Variants in PARD3B observed in about 807,000 individuals in gnomAD.
The protein encoded by PARD3B is partitioning defective 3 homolog B.
In PARD3B, 103 loss-of-function variants were observed where a neutral mutation model predicts 130.2. That is an observed-to-expected ratio of 0.79 (90% CI 0.67 to 0.93). The LOEUF (loss-of-function observed/expected upper bound fraction) is 0.93. Ranked by LOEUF, PARD3B falls within the 40% of genes least tolerant of loss-of-function variation. The pLI is 0.00. For synonymous variants in PARD3B, 583 were observed against 553.2 expected, an observed-to-expected ratio of 1.05 and a Z score of -0.76; for missense variants, 1,609 against 1,499.2, an observed-to-expected ratio of 1.07 and a Z score of -1.21.
At chr2:205,362,616 T>C (rs1434999978) in intron 18 of PARD3B, among the ~76,000 whole-genome samples, 1 of 152,214 alleles carries the variant, frequency 6.6e-6, no homozygotes, top group African/African-American at 2.4e-5. Flanking sequence ...GGGCCTATAA[T>C]CTTAATCACA....
chr2:205,152,709 T>A (rs2033845920), intron 10 of PARD3B, among the ~76,000 whole-genome samples: 2 of 152,176 alleles, frequency 1.3e-5, no homozygotes, highest in Admixed American at 1.3e-4. Context: ...ATATCCTCCT[T>A]TAGCTCGGAG....
At chr2:204,644,699 C>G (rs531227095) in intron 1 of PARD3B, among the ~76,000 whole-genome samples, 2 of 152,084 alleles carry the variant, frequency 1.3e-5, no homozygotes, top group South Asian at 2.1e-4. Context: ...GATAAATAGA[C>G]AGTTTTTTTC....
intron 15 of PARD3B, among the ~76,000 whole-genome samples, chr2:205,193,539 A>G (rs1287645180): frequency 6.6e-6 from 1 of 152,214 alleles, no homozygotes; most frequent in African/African-American, 2.4e-5. Flanking sequence ...ATTTTTACAA[A>G]GTGATCTATA....
At chr2:205,555,219 C>G (rs563854028) in intron 22 of PARD3B, among the ~76,000 whole-genome samples, 1 of 152,248 alleles carries the variant, frequency 6.6e-6, no homozygotes, top group South Asian at 2.1e-4. Flanking sequence ...GGGTACAATT[C>G]AGAGGCACAG....
chr2:205,388,320 T>C (rs932524890), intron 18 of PARD3B, among the ~76,000 whole-genome samples: 1 of 152,172 alleles, frequency 6.6e-6, no homozygotes, highest in Non-Finnish European at 1.5e-5. Context: ...AAAGGAAAAA[T>C]TAGCCATTGG....
At chr2:205,048,904 G>A (rs542392887) in intron 4 of PARD3B, among the ~76,000 whole-genome samples, 1 of 152,118 alleles carries the variant, frequency 6.6e-6, no homozygotes, top group Non-Finnish European at 1.5e-5. Flanking sequence ...TAAAAATCAG[G>A]TGTATGTGTT....
chr2:205,400,032 G>A (rs1036690399), intron 18 of PARD3B, among the ~76,000 whole-genome samples: 3 of 152,114 alleles, frequency 2.0e-5, no homozygotes, highest in Admixed American at 6.5e-5. Context: ...AGCATTGAAC[G>A]AGGTGTTCAA....
intron 2 of PARD3B, among the ~76,000 whole-genome samples, chr2:204,732,224 A>T (rs189176600): frequency 1.1e-4 from 16 of 152,266 alleles, no homozygotes; most frequent in Non-Finnish European, 2.1e-4. Context: ...AGATTGGATT[A>T]TGAAACTGGA....
chr2:205,191,241 T>C (rs1000618006), intron 14 of PARD3B, among the ~76,000 whole-genome samples: 3 of 152,270 alleles, frequency 2.0e-5, no homozygotes, highest in African/African-American at 7.2e-5. Context: ...ATAGCTCAGG[T>C]TGATCAAGCT....
intron 2 of PARD3B, among the ~76,000 whole-genome samples, chr2:204,936,205 C>A (rs1688440589): frequency 1.3e-5 from 2 of 152,242 alleles, no homozygotes; most frequent in South Asian, 4.1e-4. Context: ...GCTTTCTCAC[C>A]CAGTGCACGG....
intron 3 of PARD3B, among the ~76,000 whole-genome samples, chr2:204,971,483 C>G (rs141479938): frequency 1.6e-3 from 238 of 152,300 alleles, no homozygotes; most frequent in African/African-American, 5.5e-3. Context: ...GTTAAAATTG[C>G]GTAGATGAAT....
At chr2:205,433,532 C>CA (rs34275307) in intron 19 of PARD3B, among the ~76,000 whole-genome samples, 73 of 110,238 alleles carry the variant, frequency 6.6e-4, no homozygotes, top group African/African-American at 2.4e-3. Flanking sequence ...GACTCTGTGT[C>CA]AAAAAAAAAA....
chr2:205,034,230 G>C (rs1363489449), intron 3 of PARD3B, among the ~76,000 whole-genome samples: 2 of 152,128 alleles, frequency 1.3e-5, no homozygotes, highest in Non-Finnish European at 2.9e-5. Context: ...GCATGCCTCT[G>C]TTGAGTGCCT....
At chr2:204,996,528 C>G (rs1694195602) in intron 3 of PARD3B, among the ~76,000 whole-genome samples, 1 of 151,738 alleles carries the variant, frequency 6.6e-6, no homozygotes. Flanking sequence ...TTACTGCTGT[C>G]TTTTTGTTTG....
At chr2:204,668,538 A>G (rs992448606) in intron 1 of PARD3B, among the ~76,000 whole-genome samples, 1 of 152,142 alleles carries the variant, frequency 6.6e-6, no homozygotes, top group Non-Finnish European at 1.5e-5. Flanking sequence ...GTTTCCGAAG[A>G]TATGTTTTTT....
In PARD3B at chr2:205,596,221, G is replaced by C. The variant is rs537964819; in HGVS notation, c.3261-19235G>C. On this transcript the variant is annotated intron_variant, in intron 22 of 22. Transcript: ENST00000406610. ...AGTAAGAAGAGACCAAGGCAGGATG[G>C]GGGAAATTCACCACAAGTCATCAAT... Among the ~76,000 whole-genome samples the C allele has an allele frequency of 1.3e-4, 20 of 152,280 alleles. No homozygotes were observed. In the South Asian group the frequency reaches 3.9e-3, roughly 30 times the overall value.
chr2:205,285,640 G>A (rs1189490741), intron 16 of PARD3B, among the ~76,000 whole-genome samples: 6 of 152,122 alleles, frequency 3.9e-5, no homozygotes, highest in Admixed American at 1.3e-4. Flanking sequence ...TTGGCAGGCC[G>A]ATGTTCTCCG....
At chr2:204,805,784 A>G (rs1045965595) in intron 2 of PARD3B, among the ~76,000 whole-genome samples, 10 of 152,140 alleles carry the variant, frequency 6.6e-5, no homozygotes, top group African/African-American at 2.2e-4. Context: ...AAAGTGATAC[A>G]TTATACTAGG....
At chr2:205,454,153 A>C (rs1447608241) in intron 20 of PARD3B, among the ~76,000 whole-genome samples, 1 of 152,114 alleles carries the variant, frequency 6.6e-6, no homozygotes, top group African/African-American at 2.4e-5. Context: ...ATTTGTGTGG[A>C]TCTGCCACAC....
Sources: allele counts gnomAD v4.1 joint callset (sites outside exome capture counted in the v4.1 genomes callset), GRCh38; gene constraint gnomAD v4.1.1; transcripts MANE v1.5; gene names NCBI Gene and HGNC (gene_info 2026-07-23, HGNC 2026-07-21).